ADAMTSL1: variants seen among roughly 807,000 people sequenced by gnomAD.
ADAMTSL1 encodes the protein ADAMTS-like protein 1.
Under a neutral mutation model 201.8 loss-of-function variants are expected in ADAMTSL1, and 126 were observed. That is an observed-to-expected ratio of 0.62 (90% confidence interval 0.54 to 0.72). The LOEUF is 0.72. Ranked by LOEUF, ADAMTSL1 falls within the 30% of genes least tolerant of loss-of-function variation. The pLI, the probability that ADAMTSL1 is intolerant of heterozygous loss-of-function variation, is 0.00. For synonymous variants in ADAMTSL1, 1,121 were observed against 903.4 expected, an observed-to-expected ratio of 1.24 and a Z score of -4.32; for missense variants, 2,679 against 2,277.8, an observed-to-expected ratio of 1.18 and a Z score of -3.59.
At position 18,106,404 on chromosome 9, in the gene ADAMTSL1, G is replaced by C. The variant is rs1013523240; in HGVS notation, c.88-57458G>C. On this transcript the variant is annotated intron_variant, in intron 1 of 29. Transcript: ENST00000680146. ...TGTAAAGCTGCAAAGAGAGAGCTTT[G>C]TTTGCCCACACAGCATTTCTCAATG... is the stretch of plus-strand genomic sequence containing the variant. 2.0e-5 allele frequency among the ~76,000 whole-genome samples: 3 copies of C among 152,304 alleles called. No homozygotes were observed. In the East Asian group the frequency reaches 5.8e-4, roughly 29 times the overall value.
intron 5 of ADAMTSL1, among the ~76,000 whole-genome samples, chr9:18,627,968 T>C (rs1011101869): frequency 1.3e-5 from 2 of 152,220 alleles, no homozygotes; most frequent in African/African-American, 4.8e-5. Context: ...TGTTGAGTTT[T>C]GGGAGTTCTT....
intron 24 of ADAMTSL1, 128 bp downstream of exon 24, chr9:18,888,171 G>C (rs1203602318): frequency 1.0e-6 from 1 of 979,714 alleles, no homozygotes; most frequent in East Asian, 2.6e-5. Flanking sequence ...CCAAAGCCAT[G>C]CCATGTTTCC....
chr9:18,825,137 T>C (rs1824467494), intron 21 of ADAMTSL1, among the ~76,000 whole-genome samples: 1 of 152,080 alleles, frequency 6.6e-6, no homozygotes, highest in African/African-American at 2.4e-5. Context: ...GCCACATATC[T>C]TCAGTCTCTC....
intron 2 of ADAMTSL1, among the ~76,000 whole-genome samples, chr9:18,299,765 G>A (rs1292858180): frequency 1.3e-5 from 2 of 152,190 alleles, no homozygotes; most frequent in East Asian, 1.9e-4. Flanking sequence ...CCACAGCTAG[G>A]CCAATAAGAG....
At chr9:18,087,937 A>T (rs1401013267) in intron 1 of ADAMTSL1, among the ~76,000 whole-genome samples, 1 of 152,122 alleles carries the variant, frequency 6.6e-6, no homozygotes, top group Admixed American at 6.6e-5. Context: ...CACACCTGAT[A>T]TCTTTGGGCC....
intron 2 of ADAMTSL1, among the ~76,000 whole-genome samples, chr9:18,179,730 T>G (rs1362738729): frequency 6.6e-6 from 1 of 152,012 alleles, no homozygotes; most frequent in African/African-American, 2.4e-5. Flanking sequence ...TCAACATTCT[T>G]AAAGAAAAGA....
chr9:18,579,668 A>G (rs1186265256), intron 4 of ADAMTSL1, among the ~76,000 whole-genome samples: 1 of 152,128 alleles, frequency 6.6e-6, no homozygotes, highest in Admixed American at 6.6e-5. Context: ...CTTCCCAATG[A>G]ATGAGCAGAC....
chr9:17,972,814 C>G (rs1341126910), intron 1 of ADAMTSL1, among the ~76,000 whole-genome samples: 5 of 142,318 alleles, frequency 3.5e-5, no homozygotes, highest in African/African-American at 5.2e-5. Context: ...TCCACATCCT[C>G]TCCAGCACCT....
At chr9:18,650,839 G>A (rs190179685) in intron 7 of ADAMTSL1, among the ~76,000 whole-genome samples, 3 of 152,204 alleles carry the variant, frequency 2.0e-5, no homozygotes, top group East Asian at 3.9e-4. Flanking sequence ...CTTACTGGGT[G>A]TGTGACCTTA....
At chr9:18,678,759 C>T (rs895580548) in intron 10 of ADAMTSL1, among the ~76,000 whole-genome samples, 3 of 152,082 alleles carry the variant, frequency 2.0e-5, no homozygotes, top group African/African-American at 7.2e-5. Flanking sequence ...TGAATACATA[C>T]TTATGTATTC....
intron 1 of ADAMTSL1, among the ~76,000 whole-genome samples, chr9:18,495,410 A>C (rs1200264943): frequency 6.6e-6 from 1 of 152,198 alleles, no homozygotes; most frequent in Non-Finnish European, 1.5e-5. Flanking sequence ...AGTAAACCTG[A>C]GTAAGCAGTG....
intron 5 of ADAMTSL1, 124 bp downstream of exon 5, chr9:18,622,493 T>A: frequency 1.4e-6 from 2 of 1,414,316 alleles, no homozygotes; most frequent in Non-Finnish European, 1.9e-6. Context: ...CCTGAAAATG[T>A]AGAAGGCTTC....
chr9:18,606,626 A>G (rs540463100), intron 4 of ADAMTSL1, among the ~76,000 whole-genome samples: 2 of 152,276 alleles, frequency 1.3e-5, no homozygotes, highest in South Asian at 4.1e-4. Flanking sequence ...GTCATTTTCT[A>G]GATAGGTGAT....
intron 15 of ADAMTSL1, among the ~76,000 whole-genome samples, chr9:18,742,708 G>A (rs1246756860): frequency 6.6e-6 from 1 of 152,064 alleles, no homozygotes; most frequent in Non-Finnish European, 1.5e-5. Context: ...ACAAGTGGCT[G>A]TGCCTGGCAG....
At chr9:18,416,526 A>G (rs1375694028) in intron 2 of ADAMTSL1, among the ~76,000 whole-genome samples, 1 of 152,006 alleles carries the variant, frequency 6.6e-6, no homozygotes, top group African/African-American at 2.4e-5. Context: ...GCCTTCAAGA[A>G]GTATATTTTA....
chr9:18,404,726 A>G lies in ADAMTSL1; in HGVS notation c.208-100103A>G, dbSNP rs192433857. 1.0e-3 allele frequency among the ~76,000 whole-genome samples: 152 copies of G among 152,310 alleles called. 2 individuals are homozygous for G. The Middle Eastern group carries it at 0.041, about 41-fold the overall frequency. ...AAACAGTAAATTTCCATTAAAGCTC[A>G]TCAGTGGGGTTTTCACTGGATTTCT... On this transcript the variant is annotated intron_variant, in intron 2 of 29. Transcript: ENST00000680146.
At chr9:18,447,660 A>G (rs929433989) in intron 2 of ADAMTSL1, among the ~76,000 whole-genome samples, 1 of 152,208 alleles carries the variant, frequency 6.6e-6, no homozygotes, top group African/African-American at 2.4e-5. Flanking sequence ...CAGGACATAC[A>G]CTGCTAAAGA....
intron 2 of ADAMTSL1, among the ~76,000 whole-genome samples, chr9:18,440,046 G>T (rs1587221771): frequency 6.6e-6 from 1 of 152,080 alleles, no homozygotes; most frequent in East Asian, 1.9e-4. Context: ...TGCTCACTGT[G>T]GTGCTAGCTA....
intron 1 of ADAMTSL1, among the ~76,000 whole-genome samples, chr9:18,480,002 C>G (rs1329720): frequency 0.28 from 41,878 of 152,150 alleles, 6,425 homozygotes; most frequent in South Asian, 0.41. Context: ...CAATTAACCC[C>G]TTTTGCTCTT....
Sources: allele counts gnomAD v4.1 joint callset (sites outside exome capture counted in the v4.1 genomes callset), GRCh38; gene constraint gnomAD v4.1.1; transcripts MANE v1.5; gene names NCBI Gene and HGNC (gene_info 2026-07-23, HGNC 2026-07-21).